Variants in SLC30A3 observed in about 807,000 individuals in gnomAD.
SLC30A3 encodes the protein solute carrier family 30 member 3.
A neutral mutation model predicts 35.6 loss-of-function variants in SLC30A3; 20 were observed. That is an observed-to-expected ratio of 0.56 (90% CI 0.39 to 0.82). The LOEUF is 0.82. Among genes scored for constraint, SLC30A3 ranks in the 40% least tolerant of loss-of-function variants. The pLI, the probability that SLC30A3 is intolerant of heterozygous loss-of-function variation, is 0.00. For synonymous variants in SLC30A3, 217 were observed against 224.7 expected (o/e 0.97, Z 0.31); for missense variants, 401 against 530.6 (o/e 0.76, Z 2.40).
rs1677590091 is a variant in SLC30A3 at position 27,268,499 on chromosome 2, A to G, written c.-158-4417T>C. ...CCGGGGGCGGTGGCTCACGCCTATA[A>G]TCCCAGCACTTTGGGAGGCCGAGGT... is the stretch of plus-strand genomic sequence containing the variant. On this transcript the variant is annotated intron_variant, in intron 1 of 5. Transcript: ENST00000424577. Among the ~76,000 whole-genome samples the G allele has an allele frequency of 3.9e-5, 6 of 152,174 alleles. No individual in the cohort carries two copies. The South Asian group carries it at 1.2e-3, about 31-fold the overall frequency.
At chr2:27,256,331 T>C (rs1676848818) in intron 7 of SLC30A3, 55 bp downstream of exon 7, 3 of 1,593,008 alleles carry the variant, frequency 1.9e-6, no homozygotes, top group Admixed American at 3.3e-5. Flanking sequence ...TATGGTCCCA[T>C]GTTTGGGGTG....
chr2:27,267,000 T>C (rs1427977096), upstream of SLC30A3, among the ~76,000 whole-genome samples: 1 of 152,142 alleles, frequency 6.6e-6, no homozygotes, highest in Non-Finnish European at 1.5e-5. Context: ...ATCCCTTCCT[T>C]ATTGTCTGGT....
In SLC30A3 at chr2:27,255,781, A is replaced by C; in HGVS notation, c.1019-321T>G. ...AATCCAGTTGTTAAATATCTGTCTCATTGTCCCTCTAGAGTTTCCATCAAA... is the reference window on the plus strand; with the variant it reads ...AATCCAGTTGTTAAATATCTGTCTCCTTGTCCCTCTAGAGTTTCCATCAAA... On this transcript the variant is annotated intron_variant, in intron 7 of 7. Coordinates refer to ENST00000233535, the MANE Select transcript of SLC30A3 (RefSeq NM_003459.5). This position sits in a 1 kb window ranked among gnomAD's most constrained non-coding sequence, Gnocchi z 5.2. The C allele has an allele frequency of 1.2e-5, 4 of 323,440 alleles. No individual in the cohort carries two copies. Among genetic ancestry groups the C allele is most frequent in the East Asian group, 7.5e-5 (1 of 13,276 alleles). 20.0% of individuals were successfully genotyped at this position (323,440 alleles called of 1,614,324 possible).
chr2:27,263,809 G>T (rs1356793347), upstream of SLC30A3, among the ~76,000 whole-genome samples: 1 of 144,356 alleles, frequency 6.9e-6, no homozygotes, highest in Non-Finnish European at 1.5e-5. Context: ...AGCGCTCACA[G>T]TTCTCTTACG....
chr2:27,259,607 C>A (rs1229213604), intron 1 of SLC30A3, among the ~76,000 whole-genome samples: 2 of 152,182 alleles, frequency 1.3e-5, no homozygotes, highest in Non-Finnish European at 2.9e-5. Context: ...CCTACCTCAG[C>A]CTACTGAGTT....
At chr2:27,265,746 GTGA>G (rs1206740500), upstream of SLC30A3, among the ~76,000 whole-genome samples, 1 of 152,052 alleles carries the variant, frequency 6.6e-6, no homozygotes, top group Non-Finnish European at 1.5e-5. This position sits in a 1 kb window ranked among gnomAD's most constrained non-coding sequence, Gnocchi z 5.9. Context: ...TCACCTCATG[GTGA>G]TGAAGTCCTT....
At chr2:27,259,696 CA>C (rs1314288552) in intron 1 of SLC30A3, among the ~76,000 whole-genome samples, 3 of 152,156 alleles carry the variant, frequency 2.0e-5, no homozygotes, top group Non-Finnish European at 4.4e-5. Flanking sequence ...ATGAGGCTCA[CA>C]GAGTTGGGGG....
upstream of SLC30A3, among the ~76,000 whole-genome samples, chr2:27,267,333 T>G (rs1284852713): frequency 3.9e-5 from 6 of 152,154 alleles, no homozygotes; most frequent in Admixed American, 2.6e-4. Flanking sequence ...TAAACATAGA[T>G]CAGATTTGTC....
At chr2:27,264,536 A>C (rs1677399689), upstream of SLC30A3, among the ~76,000 whole-genome samples, 1 of 152,104 alleles carries the variant, frequency 6.6e-6, no homozygotes, top group Non-Finnish European at 1.5e-5. The surrounding 1 kb of genome is among the most constrained non-coding windows in gnomAD (Gnocchi z 6.1). Flanking sequence ...GCGCGTGCGA[A>C]GGGACTGTCC....
At chr2:27,275,147 C>G (rs767883675) in intron 1 of SLC30A3, 1 of 1,293,806 alleles carries the variant, frequency 7.7e-7, no homozygotes, top group South Asian at 1.2e-5. Context: ...AGGTAACACA[C>G]CTCTTAAGAA....
rs553947274 is a variant in SLC30A3, at chr2:27,258,560, C to G, written c.277+193G>C. 6 of 686,614 alleles carry G rather than the reference C, an allele frequency of 8.7e-6. No homozygotes were observed. The highest frequency in any genetic ancestry group is 7.8e-5 in the South Asian group (4 of 51,304). 42.5% of individuals were successfully genotyped at this position (686,614 alleles called of 1,614,324 possible). ...GAAGTCAGCCCTGACCTACTGGCCC[C>G]GGACCTCGGCTGGAATTCCCTTTGT... On this transcript the variant is annotated intron_variant, in intron 2 of 7. Coordinates refer to ENST00000233535, the MANE Select transcript of SLC30A3 (RefSeq NM_003459.5). The surrounding 1 kb of genome is among the most constrained non-coding windows in gnomAD (Gnocchi z 4.0).
rs1676760945 is a variant in SLC30A3, at chr2:27,255,117, C to G, written c.*195G>C. 1 of 1,536,166 alleles carries G rather than the reference C, an allele frequency of 6.5e-7. No homozygotes were observed. Among genetic ancestry groups the G allele is most frequent in the Non-Finnish European group, 8.7e-7 (1 of 1,146,976 alleles). On this transcript the variant is annotated 3_prime_UTR_variant, in exon 8 of 8. Coordinates refer to ENST00000233535, the MANE Select transcript of SLC30A3 (RefSeq NM_003459.5). This position sits in a 1 kb window ranked among gnomAD's most constrained non-coding sequence, Gnocchi z 5.2. Reference sequence around the variant, plus strand: ...ACATCTATTCCCCTGACTCCCACCCCACTCCCCGCCACACTTTGGTCTTGC... The same window carrying G: ...ACATCTATTCCCCTGACTCCCACCCGACTCCCCGCCACACTTTGGTCTTGC...
chr2:27,253,817 C>T lies in SLC30A3; in HGVS notation c.*1495G>A, dbSNP rs1459320311. 1 of 151,194 alleles carries T rather than the reference C, an allele frequency of 6.6e-6. No individual in the cohort carries two copies. The highest frequency in any genetic ancestry group is 1.5e-5 in the Non-Finnish European group (1 of 67,880). The allele number at this position is 151,194 out of a possible 1,614,324, so 9.4% of individuals were successfully genotyped here. On this transcript the variant is annotated 3_prime_UTR_variant, in exon 8 of 8. Coordinates refer to ENST00000233535, the MANE Select transcript of SLC30A3 (RefSeq NM_003459.5). ...AATAGCTGGGACTACAGGTATGCAC[C>T]ACCACACCCAGCTAATTTTTAAATT...
chr2:27,264,086 T>C (rs1220707558), upstream of SLC30A3: 3 of 1,286,578 alleles, frequency 2.3e-6, no homozygotes, highest in South Asian at 2.5e-5. This position sits in a 1 kb window ranked among gnomAD's most constrained non-coding sequence, Gnocchi z 6.1. Flanking sequence ...GCCGCCACTG[T>C]AGAATGGGAG....
upstream of SLC30A3, among the ~76,000 whole-genome samples, chr2:27,267,061 C>T (rs1041875289): frequency 1.3e-5 from 2 of 152,128 alleles, no homozygotes; most frequent in East Asian, 3.9e-4. Context: ...CTGATTGTCA[C>T]GCCATCCTGA....
At chr2:27,259,861 G>C (rs945005859) in intron 1 of SLC30A3, among the ~76,000 whole-genome samples, 1 of 152,122 alleles carries the variant, frequency 6.6e-6, no homozygotes, top group Non-Finnish European at 1.5e-5. Context: ...GATATAGAGC[G>C]AAGGTGGCCA....
rs749608483 is a variant in SLC30A3 at position 27,262,834 on chromosome 2, C to G, written c.73G>C (p.Gly25Arg). The G allele has an allele frequency of 1.4e-5, 22 of 1,566,948 alleles. No homozygotes were observed. The highest frequency in any genetic ancestry group is 1.8e-5 in the Non-Finnish European group (21 of 1,161,538). The change falls in exon 1 of 8, where the codon GGA becomes CGA. Residue 25 changes from glycine to arginine, a missense_variant. Around this residue, in one of 3 missense-constraint regions of SLC30A3, gnomAD observed 103 missense variants for 120.7 expected, o/e 0.85. Coordinates refer to ENST00000233535, the MANE Select transcript of SLC30A3 (RefSeq NM_003459.5). This position sits in a 1 kb window ranked among gnomAD's most constrained non-coding sequence, Gnocchi z 7.5. ...LVSPRDRGGA[G>R]GSLRLKSLFT... is the part of the protein sequence containing the mutation. The stretch of plus-strand genomic sequence containing the variant: ...TACCTCTTCAAACGCAGGCTGCCTC[C>G]GGCGCCACCGCGGTCCCGGGGGCTC...
rs1676707992 is a variant in SLC30A3, at chr2:27,253,858, GGT to G, written c.*1452_*1453del. On this transcript the variant is annotated 3_prime_UTR_variant, in exon 8 of 8. Coordinates refer to ENST00000233535, the MANE Select transcript of SLC30A3 (RefSeq NM_003459.5). ...TTTTTAAATTATTTGTAGAGACAGG[GGT>G]TTCCCTAGGTTGCCCAGGCTGGTCT... The G allele has an allele frequency of 1.3e-5, 2 of 151,808 alleles. No individual in the cohort carries two copies. Among genetic ancestry groups the G allele is most frequent in the African/African-American group, 4.8e-5 (2 of 41,260 alleles). 9.4% of individuals were successfully genotyped at this position (151,808 alleles called of 1,614,324 possible).
At chr2:27,266,348 G>A (rs1254246127), upstream of SLC30A3, among the ~76,000 whole-genome samples, 2 of 152,170 alleles carry the variant, frequency 1.3e-5, no homozygotes, top group Non-Finnish European at 2.9e-5. Flanking sequence ...TTCACTGGCT[G>A]TTTATTTTCA....
Sources: gnomAD v4.1 joint callset for allele counts (sites outside exome capture counted in the v4.1 genomes callset) on GRCh38, gnomAD v4.1.1 for gene constraint, gnomAD v4.1.1 regional missense constraint, Gnocchi (gnomAD v3.1) non-coding constraint, MANE v1.5 for transcripts, NCBI Gene and HGNC (gene_info 2026-07-23, HGNC 2026-07-21) for gene names.